NREP: variants seen among roughly 807,000 people sequenced by gnomAD.
The protein encoded by NREP is neuronal regeneration-related protein.
A neutral mutation model predicts 8.6 loss-of-function variants in NREP; 5 were observed. The ratio of observed to expected loss-of-function variants is 0.58; its 90% confidence interval spans 0.30 to 1.22. The LOEUF (loss-of-function observed/expected upper bound fraction) is 1.22, where lower values mean the gene tolerates loss of function less well. Ranked by LOEUF, NREP falls within the 50% of genes most tolerant of loss-of-function variation. The pLI, the probability that NREP is intolerant of heterozygous loss-of-function variation, is 0.07. For missense variants in NREP, 86 were observed against 82.5 expected (o/e 1.04, Z -0.17); for synonymous variants, 27 against 28.0 (o/e 0.96, Z 0.11).
intron 2 of NREP, among the ~76,000 whole-genome samples, chr5:111,947,631 G>A (rs1357321189): frequency 1.3e-5 from 2 of 152,000 alleles, no homozygotes; most frequent in African/African-American, 4.8e-5. Context: ...AAATTAGAAA[G>A]AGAAATCATC....
intron 2 of NREP, among the ~76,000 whole-genome samples, chr5:111,966,309 A>G (rs1756642932): frequency 6.6e-6 from 1 of 152,238 alleles, no homozygotes; most frequent in South Asian, 2.1e-4. Flanking sequence ...TCTATTGATT[A>G]AAATGAAATT....
intron 2 of NREP, among the ~76,000 whole-genome samples, chr5:111,769,665 G>A (rs1751171329): frequency 6.6e-6 from 1 of 152,340 alleles, no homozygotes; most frequent in Non-Finnish European, 1.5e-5. Context: ...ATGGCTGGGA[G>A]GCCTCAGAAA....
chr5:111,810,059 G>A (rs1752236593), intron 2 of NREP, among the ~76,000 whole-genome samples: 1 of 151,890 alleles, frequency 6.6e-6, no homozygotes, highest in Non-Finnish European at 1.5e-5. Context: ...AGACTAAATG[G>A]GATATTAGTT....
intron 2 of NREP, among the ~76,000 whole-genome samples, chr5:111,872,816 G>T (rs1287413936): frequency 6.6e-6 from 1 of 152,136 alleles, no homozygotes; most frequent in Admixed American, 6.6e-5. Flanking sequence ...AGCAAGTTTT[G>T]AGAGGAAGTA....
chr5:111,943,959 A>G (rs901639404), intron 2 of NREP, among the ~76,000 whole-genome samples: 2 of 152,090 alleles, frequency 1.3e-5, no homozygotes, highest in African/African-American at 4.8e-5. Flanking sequence ...GAGGTTTTCT[A>G]TCGCTTCAAA....
At chr5:111,963,264 C>T (rs1756531536) in intron 2 of NREP, among the ~76,000 whole-genome samples, 2 of 152,258 alleles carry the variant, frequency 1.3e-5, no homozygotes, top group African/African-American at 2.4e-5. Flanking sequence ...TGCTCACGTA[C>T]TCCCTCACAC....
At chr5:111,968,822 A>G (rs1049856258) in intron 2 of NREP, among the ~76,000 whole-genome samples, 4 of 152,214 alleles carry the variant, frequency 2.6e-5, no homozygotes, top group African/African-American at 9.7e-5. Context: ...TTCTCTGCTC[A>G]ACTGCAGAAG....
At chr5:111,733,592 G>A (rs1357127977) in intron 3 of NREP, 1 of 151,922 alleles carries the variant, frequency 6.6e-6, no homozygotes, top group Non-Finnish European at 1.5e-5. Context: ...TTTGAAGATG[G>A]GACACAAAGA....
chr5:111,762,612 G>C (rs1750986533), upstream of NREP, among the ~76,000 whole-genome samples: 1 of 152,166 alleles, frequency 6.6e-6, no homozygotes, highest in Middle Eastern at 3.2e-3. Context: ...TCTAAGAAGA[G>C]ATTAGGACAC....
At chr5:111,788,052 C>G (rs565423327) in intron 2 of NREP, among the ~76,000 whole-genome samples, 2 of 152,252 alleles carry the variant, frequency 1.3e-5, no homozygotes, top group South Asian at 4.1e-4. Flanking sequence ...ATGATTGCCA[C>G]TACCCTCCAC....
rs989990875 is a variant in NREP at position 111,729,319 on chromosome 5, G to A, written c.*1602C>T. The A allele has an allele frequency of 2.0e-5, 3 of 152,264 alleles. No homozygotes were observed. Among genetic ancestry groups the A allele is most frequent in the African/African-American group, 4.8e-5 (2 of 41,544 alleles). 9.4% of individuals were successfully genotyped at this position (152,264 alleles called of 1,614,324 possible). ...ATCAGACAGTTACCTTACAGCTTGC[G>A]TATTTATTGAACAAATACTACTAAA... is the stretch of plus-strand genomic sequence containing the variant. On this transcript the variant is annotated 3_prime_UTR_variant, in exon 4 of 4. Transcript: ENST00000257435.
At chr5:111,792,418 T>C (rs989636572) in intron 2 of NREP, among the ~76,000 whole-genome samples, 1 of 152,228 alleles carries the variant, frequency 6.6e-6, no homozygotes, top group African/African-American at 2.4e-5. Context: ...TTAATATATG[T>C]TTTGTTATCA....
chr5:111,888,707 C>A (rs540599598), intron 2 of NREP, among the ~76,000 whole-genome samples: 1 of 152,294 alleles, frequency 6.6e-6, no homozygotes, highest in Admixed American at 6.5e-5. Context: ...CTAGAAAAGT[C>A]TTTTCCATGC....
At chr5:111,833,956 T>G (rs898176507) in intron 2 of NREP, among the ~76,000 whole-genome samples, 2 of 152,206 alleles carry the variant, frequency 1.3e-5, no homozygotes, top group Non-Finnish European at 2.9e-5. Flanking sequence ...ATAGAGATGG[T>G]GTCTCCCTAT....
chr5:111,948,625 A>G (rs1168909546), intron 2 of NREP, among the ~76,000 whole-genome samples: 1 of 152,078 alleles, frequency 6.6e-6, no homozygotes, highest in Admixed American at 6.6e-5. Context: ...GTTGTCCAAG[A>G]CATGCCTTTA....
chr5:111,769,516 A>T (rs1751167079), intron 2 of NREP, among the ~76,000 whole-genome samples: 1 of 152,222 alleles, frequency 6.6e-6, no homozygotes, highest in Admixed American at 6.5e-5. Flanking sequence ...CCTGAATAAG[A>T]AGCCAAGGTT....
chr5:111,800,727 G>C (rs1473202238), intron 2 of NREP, among the ~76,000 whole-genome samples: 1 of 152,168 alleles, frequency 6.6e-6, no homozygotes, highest in Non-Finnish European at 1.5e-5. Context: ...AGGAAAACAA[G>C]TTTTATTATT....
At chr5:111,859,217 G>C (rs1013269821) in intron 2 of NREP, among the ~76,000 whole-genome samples, 1 of 152,086 alleles carries the variant, frequency 6.6e-6, no homozygotes. Flanking sequence ...ATCTAGGAAG[G>C]AGTCATTCTG....
At chr5:111,906,534 T>C (rs575634302) in intron 2 of NREP, among the ~76,000 whole-genome samples, 29 of 152,194 alleles carry the variant, frequency 1.9e-4, no homozygotes, top group East Asian at 3.9e-4. Flanking sequence ...GTGTACAACA[T>C]TGCTTGAAAA....
Sources: allele counts gnomAD v4.1 joint callset (sites outside exome capture counted in the v4.1 genomes callset), GRCh38; gene constraint gnomAD v4.1.1; transcripts MANE v1.5; gene names NCBI Gene and HGNC (gene_info 2026-07-23, HGNC 2026-07-21).